NUP98: variants seen among roughly 807,000 people sequenced by gnomAD.
NUP98 encodes nucleoporin 98 and 96 precursor.
In NUP98, 26 loss-of-function variants were observed where a neutral mutation model predicts 191.9. That is an observed-to-expected ratio of 0.14 (90% confidence interval 0.10 to 0.19). The LOEUF is 0.19. NUP98 is among the 10% of genes least tolerant of loss of function. The pLI is 1.00. For missense variants in NUP98, 1,941 were observed against 2,178.8 expected, an observed-to-expected ratio of 0.89 and a Z score of 2.17; for synonymous variants, 808 against 778.4, an observed-to-expected ratio of 1.04 and a Z score of -0.63.
At chr11:3,714,040 C>T (rs1424166073) in intron 18 of NUP98, 45 bp from the exon 19 acceptor site, 1 of 1,585,170 alleles carries the variant, frequency 6.3e-7, no homozygotes, top group Admixed American at 1.8e-5. Context: ...AGTAAAAGCG[C>T]TTCATATATA....
rs755816362 is a variant in NUP98 at position 3,729,715 on chromosome 11, C to CAAAAAAAAAAAAAAAAAAAAAAAAA, written c.1730+1651_1730+1675dup. On this transcript the variant is annotated intron_variant, in intron 14 of 32. Coordinates refer to ENST00000324932, the MANE Select transcript of NUP98 (RefSeq NM_016320.5). ...GGGCAATGGCATAAGACTCTTGCCT[C>CAAAAAAAAAAAAAAAAAAAAAAAAA]AAAAAAAAAAAAAAAAAAAAAAAAA... Among the ~76,000 whole-genome samples the CAAAAAAAAAAAAAAAAAAAAAAAAA allele has an allele frequency of 5.6e-4, 21 of 37,410 alleles. 1 individual carries two copies. The highest frequency in any genetic ancestry group is 7.5e-4 in the Non-Finnish European group (14 of 18,650). The allele number at this position is 37,410 out of a possible 152,430, so 24.5% of individuals were successfully genotyped here.
At chr11:3,720,975 A>AATGTGT (rs1554891502) in intron 16 of NUP98, 150 bp from the exon 17 acceptor site, 159 of 324,496 alleles carry the variant, frequency 4.9e-4, no homozygotes, top group Non-Finnish European at 3.8e-4. Context: ...GGGGTGTGTG[A>AATGTGT]GTGTGTGTGT....
chr11:3,743,122 G>C (rs952955379), intron 12 of NUP98, among the ~76,000 whole-genome samples: 7 of 151,672 alleles, frequency 4.6e-5, no homozygotes, highest in Non-Finnish European at 4.4e-5. Flanking sequence ...GGGTCCAAGC[G>C]ATTCTCCTGC....
At chr11:3,717,310 G>A (rs1201860451) in intron 18 of NUP98, among the ~76,000 whole-genome samples, 2 of 152,050 alleles carry the variant, frequency 1.3e-5, no homozygotes, top group Non-Finnish European at 2.9e-5. Flanking sequence ...ACAATATGAA[G>A]TTTTCTAACT....
At position 3,686,113 on chromosome 11, in the gene NUP98, C is replaced by A; in HGVS notation, c.4536G>T (p.Trp1512Cys). The change falls in exon 29 of 33, where the codon TGG (tryptophan) becomes TGT (cysteine). Residue 1512 changes from tryptophan to cysteine, a missense_variant. By Grantham distance (215) the Trp-to-Cys change is radical. This residue lies in a region of NUP98 where 1,030 missense variants were observed against 1,115.8 expected (regional missense o/e 0.92). Transcript: ENST00000324932. The stretch of plus-strand genomic sequence containing the variant: ...TGTAGTTAAGAGCCCTCAGCACTTC[C>A]CACAAGTGCCAGCTTAGGCGGTAGT... ...PLDYRLSWHL[W>C]EVLRALNYTH... 6.2e-7 allele frequency: 1 copy of A among 1,614,172 alleles called. No individual in the cohort carries two copies. The highest frequency in any genetic ancestry group is 8.5e-7 in the Non-Finnish European group (1 of 1,180,028).
chr11:3,785,672 T>C lies in NUP98; in HGVS notation c.-28-3527A>G, dbSNP rs546907005. On this transcript the variant is annotated intron_variant, in intron 1 of 32. Coordinates refer to ENST00000324932, the MANE Select transcript of NUP98 (RefSeq NM_016320.5). ...TACTCGGGTGGCTAAGGCAGGAGAA[T>C]CACTTGAACTCAGGAAGCAGACGTT... 3.9e-5 allele frequency among the ~76,000 whole-genome samples: 6 copies of C among 152,026 alleles called. No individual in the cohort carries two copies. In the South Asian group the frequency reaches 1.2e-3, roughly 32 times the overall value.
intron 11 of NUP98, among the ~76,000 whole-genome samples, chr11:3,748,278 A>G (rs951915985): frequency 9.9e-5 from 15 of 152,158 alleles, no homozygotes; most frequent in Non-Finnish European, 2.1e-4. Context: ...TAAAAATAAA[A>G]CTTGTGGCTG....
chr11:3,737,940 T>C (rs2080132678), intron 12 of NUP98, among the ~76,000 whole-genome samples: 1 of 151,800 alleles, frequency 6.6e-6, no homozygotes, highest in South Asian at 2.1e-4. Context: ...TTGGGGACTA[T>C]GCAAGGAGAC....
At chr11:3,756,029 T>C (rs151207419) in intron 10 of NUP98, among the ~76,000 whole-genome samples, 71 of 152,326 alleles carry the variant, frequency 4.7e-4, no homozygotes, top group African/African-American at 1.7e-3. Context: ...ATATTTGACT[T>C]AGACATTCAT....
intron 26 of NUP98, among the ~76,000 whole-genome samples, chr11:3,694,347 A>G (rs2078428570): frequency 6.6e-6 from 1 of 151,790 alleles, no homozygotes; most frequent in African/African-American, 2.4e-5. Flanking sequence ...TCCAGCCTGG[A>G]CAATAAGAGC....
At position 3,693,390 on chromosome 11, in the gene NUP98, A is replaced by C; in HGVS notation, c.4168-15T>G. On this transcript the variant is annotated splice_polypyrimidine_tract_variant and intron_variant, in intron 26 of 32. Coordinates refer to ENST00000324932, the MANE Select transcript of NUP98 (RefSeq NM_016320.5). Reference sequence around the variant, plus strand: ...AGCTGCCACACCTGTGCGAAACAAAATCATCACCATGGCTATATTCTACCT... The same window carrying C: ...AGCTGCCACACCTGTGCGAAACAAACTCATCACCATGGCTATATTCTACCT... The C allele has an allele frequency of 6.2e-7, 1 of 1,613,754 alleles. No homozygotes were observed. The highest frequency in any genetic ancestry group is 2.2e-5 in the East Asian group (1 of 44,880).
At chr11:3,733,109 T>C (rs1040626902) in intron 13 of NUP98, among the ~76,000 whole-genome samples, 5 of 152,206 alleles carry the variant, frequency 3.3e-5, no homozygotes, top group African/African-American at 4.8e-5. Context: ...TTTTAGTATA[T>C]TTACAAGGTT....
rs763559978 is a variant in NUP98, at chr11:3,719,555, A to C, written c.2261-5T>G. 1 of 1,540,644 alleles carries C rather than the reference A, an allele frequency of 6.5e-7. No individual in the cohort carries two copies. Among genetic ancestry groups the C allele is most frequent in the South Asian group, 1.2e-5 (1 of 80,030 alleles). ...CAAAATAGATTGAACCATAACCTATAAATCAGAGCAAATAGTTAAAAATTC... is the reference window on the plus strand; with the variant it reads ...CAAAATAGATTGAACCATAACCTATCAATCAGAGCAAATAGTTAAAAATTC... On this transcript the variant is annotated splice_polypyrimidine_tract_variant and splice_region_variant and intron_variant, in intron 17 of 32. Coordinates refer to ENST00000324932, the MANE Select transcript of NUP98 (RefSeq NM_016320.5).
At chr11:3,784,662 G>C (rs1478029838) in intron 1 of NUP98, among the ~76,000 whole-genome samples, 1 of 151,462 alleles carries the variant, frequency 6.6e-6, no homozygotes, top group African/African-American at 2.4e-5. Context: ...GTTGAAGCTA[G>C]AGAATCACTT....
At chr11:3,726,420 A>C (rs202006418) in intron 14 of NUP98, among the ~76,000 whole-genome samples, 10,682 of 151,598 alleles carry the variant, frequency 0.07, 466 homozygotes, top group Non-Finnish European at 0.11. Flanking sequence ...CTTTGAAGTT[A>C]CCAGTAATAC....
In NUP98 at chr11:3,696,428, G is replaced by C. The variant is rs576508737; in HGVS notation, c.4010-822C>G. 3.0e-4 allele frequency among the ~76,000 whole-genome samples: 45 copies of C among 151,874 alleles called. No individual in the cohort carries two copies. The South Asian group carries it at 7.7e-3, about 26-fold the overall frequency. On this transcript the variant is annotated intron_variant, in intron 25 of 32. Transcript: ENST00000324932. ...GAGACACGAGAACCACTTGAACCCAGAAGGCAGAAGTTGCAGTAAACAGAG... is the reference window on the plus strand; with the variant it reads ...GAGACACGAGAACCACTTGAACCCACAAGGCAGAAGTTGCAGTAAACAGAG...
intron 25 of NUP98, 33 bp from the exon 26 acceptor site, chr11:3,695,639 C>T: frequency 5.4e-6 from 8 of 1,479,516 alleles, no homozygotes; most frequent in Non-Finnish European, 6.3e-6. Context: ...TTGGTTATTA[C>T]TAAGGGTTTA....
chr11:3,732,593 T>C (rs2079889078), intron 13 of NUP98, among the ~76,000 whole-genome samples: 1 of 152,196 alleles, frequency 6.6e-6, no homozygotes, highest in Non-Finnish European at 1.5e-5. Flanking sequence ...ACATTAATAA[T>C]TAAACATTAA....
intron 27 of NUP98, among the ~76,000 whole-genome samples, chr11:3,692,393 C>T (rs1194439331): frequency 1.3e-5 from 2 of 151,182 alleles, no homozygotes; most frequent in Non-Finnish European, 2.9e-5. Context: ...TTAGGGAGGC[C>T]GAGGCAGGCA....
Sources: allele counts gnomAD v4.1 joint callset (sites outside exome capture counted in the v4.1 genomes callset), GRCh38; gene constraint gnomAD v4.1.1; regional missense constraint gnomAD v4.1.1; transcripts MANE v1.5; gene names NCBI Gene and HGNC (gene_info 2026-07-23, HGNC 2026-07-21).